Variants in EXOC4 observed in about 807,000 individuals in gnomAD.
The protein encoded by EXOC4 is SEC8-like 1.
Under a neutral mutation model 107.2 loss-of-function variants are expected in EXOC4, and 71 were observed. That is an observed-to-expected ratio of 0.66 (90% CI 0.55 to 0.81). The LOEUF (loss-of-function observed/expected upper bound fraction) is 0.81, where lower values mean the gene tolerates loss of function less well. Among genes scored for constraint, EXOC4 ranks in the 30% least tolerant of loss-of-function variants. The pLI, the probability that EXOC4 is intolerant of heterozygous loss-of-function variation, is 0.00. For synonymous variants in EXOC4, 456 were observed against 441.2 expected, an observed-to-expected ratio of 1.03 and a Z score of -0.42; for missense variants, 1,108 against 1,189.6, an observed-to-expected ratio of 0.93 and a Z score of 1.01.
intron 2 of EXOC4, among the ~76,000 whole-genome samples, chr7:133,276,224 A>T (rs181241732): frequency 2.0e-5 from 3 of 152,060 alleles, no homozygotes; most frequent in African/African-American, 7.2e-5. Flanking sequence ...CTATGCCTTT[A>T]GTACCTAAAG....
chr7:133,754,301 A>G (rs1408376112), intron 10 of EXOC4, among the ~76,000 whole-genome samples: 10 of 152,186 alleles, frequency 6.6e-5, no homozygotes, highest in Admixed American at 6.5e-4. Context: ...TTCTGGAGAA[A>G]GATGTTAAGT....
At chr7:133,446,938 C>T (rs1798234782) in intron 7 of EXOC4, among the ~76,000 whole-genome samples, 1 of 152,166 alleles carries the variant, frequency 6.6e-6, no homozygotes, top group Non-Finnish European at 1.5e-5. Flanking sequence ...ATTTCTCAAC[C>T]TGCTTCTGAT....
chr7:133,859,307 A>G (rs1361487484), intron 11 of EXOC4, among the ~76,000 whole-genome samples: 1 of 152,032 alleles, frequency 6.6e-6, no homozygotes, highest in African/African-American at 2.4e-5. Context: ...TCTTCCCACT[A>G]CCTCACCCAG....
At chr7:133,349,393 A>G (rs947174794) in intron 5 of EXOC4, among the ~76,000 whole-genome samples, 1 of 152,206 alleles carries the variant, frequency 6.6e-6, no homozygotes, top group Non-Finnish European at 1.5e-5. Context: ...ACGGCATATA[A>G]GTAGAAACAT....
intron 11 of EXOC4, among the ~76,000 whole-genome samples, chr7:133,857,534 T>A (rs1798443040): frequency 6.7e-6 from 1 of 148,634 alleles, no homozygotes; most frequent in Non-Finnish European, 1.5e-5. Flanking sequence ...GCTGCTCGGC[T>A]CATGCTACAG....
chr7:133,277,842 C>T (rs190647585), intron 2 of EXOC4, among the ~76,000 whole-genome samples: 1 of 152,292 alleles, frequency 6.6e-6, no homozygotes, highest in African/African-American at 2.4e-5. Context: ...ACCAAGGAAA[C>T]ACTGATGTTT....
the EXOC4 span, among the ~76,000 whole-genome samples, chr7:134,081,273 G>C: frequency 8.5e-5 from 13 of 152,166 alleles, no homozygotes; most frequent in African/African-American, 3.1e-4. Context: ...AGCCCAGGGG[G>C]TGGAAGTTGC....
intron 3 of EXOC4, among the ~76,000 whole-genome samples, chr7:133,302,260 T>C (rs1794656836): frequency 6.6e-6 from 1 of 152,232 alleles, no homozygotes; most frequent in African/African-American, 2.4e-5. Context: ...TTTGCTTATC[T>C]TCATAATCCT....
At chr7:133,995,145 G>A (rs1794357229) in intron 14 of EXOC4, among the ~76,000 whole-genome samples, 1 of 152,142 alleles carries the variant, frequency 6.6e-6, no homozygotes, top group Admixed American at 6.5e-5. Context: ...TACCTCAGCA[G>A]CTAATCTTGC....
At chr7:133,969,594 G>A (rs915902009) in intron 14 of EXOC4, among the ~76,000 whole-genome samples, 9 of 152,126 alleles carry the variant, frequency 5.9e-5, no homozygotes, top group East Asian at 1.9e-4. Flanking sequence ...CTAACAGGCC[G>A]CTCTGCTGTA....
intron 9 of EXOC4, among the ~76,000 whole-genome samples, chr7:133,612,885 A>G (rs1563126917): frequency 6.6e-6 from 1 of 152,220 alleles, no homozygotes; most frequent in South Asian, 2.1e-4. Context: ...TACCATTACC[A>G]GGACCTTGTA....
chr7:133,403,680 A>G (rs559047383), intron 7 of EXOC4, among the ~76,000 whole-genome samples: 1 of 152,180 alleles, frequency 6.6e-6, no homozygotes. Flanking sequence ...CTGTAATCCC[A>G]GCACTTTGGG....
intron 2 of EXOC4, 26 bp from the exon 3 acceptor site, chr7:133,288,896 C>A: frequency 6.2e-7 from 1 of 1,608,710 alleles, no homozygotes; most frequent in Non-Finnish European, 8.5e-7. Context: ...TTGGACTGAC[C>A]CAAGACCGAA....
intron 11 of EXOC4, among the ~76,000 whole-genome samples, chr7:133,839,591 G>A (rs1797984477): frequency 1.3e-5 from 2 of 152,180 alleles, no homozygotes. Context: ...AATAAAGAAT[G>A]AAGACCAAAG....
chr7:133,743,233 T>G (rs1363913410), intron 10 of EXOC4, among the ~76,000 whole-genome samples: 3 of 152,164 alleles, frequency 2.0e-5, no homozygotes, highest in African/African-American at 7.2e-5. Context: ...GCTTATGGGT[T>G]TTCAATAATT....
chr7:133,519,313 C>T (rs1295854489), intron 9 of EXOC4, among the ~76,000 whole-genome samples: 1 of 151,940 alleles, frequency 6.6e-6, no homozygotes, highest in Non-Finnish European at 1.5e-5. Flanking sequence ...TCAGGAGCTA[C>T]TCAGGTGGCT....
At chr7:134,061,460 G>A (rs1412693205) in intron 17 of EXOC4, among the ~76,000 whole-genome samples, 1 of 152,172 alleles carries the variant, frequency 6.6e-6, no homozygotes, top group African/African-American at 2.4e-5. Flanking sequence ...CCTTTAAGAA[G>A]CACATATCTG....
chr7:133,814,558 G>A (rs1234314744), intron 10 of EXOC4, among the ~76,000 whole-genome samples: 1 of 152,118 alleles, frequency 6.6e-6, no homozygotes, highest in Non-Finnish European at 1.5e-5. Context: ...AGATTTCTGG[G>A]CGATAAAGAA....
chr7:133,662,802 G>A (rs1240604451), intron 10 of EXOC4, among the ~76,000 whole-genome samples: 1 of 152,128 alleles, frequency 6.6e-6, no homozygotes, highest in Non-Finnish European at 1.5e-5. Context: ...GAAGTATTTT[G>A]CTAAGAAGCA....
Sources: allele counts gnomAD v4.1 joint callset (sites outside exome capture counted in the v4.1 genomes callset), GRCh38; gene constraint gnomAD v4.1.1; transcripts MANE v1.5; gene names NCBI Gene and HGNC (gene_info 2026-07-23, HGNC 2026-07-21).